The following MAN1B1 variants were observed in gnomAD, a reference collection of about 807,000 sequenced individuals.
The protein encoded by MAN1B1 is endoplasmic reticulum mannosyl-oligosaccharide 1,2-alpha-mannosidase.
MAN1B1 carries 66 observed loss-of-function variants against 75.5 expected under a neutral mutation model. The ratio of observed to expected loss-of-function variants is 0.87; its 90% CI spans 0.72 to 1.07. The LOEUF (loss-of-function observed/expected upper bound fraction) is 1.07, where lower values mean the gene tolerates loss of function less well. Among genes scored for constraint, MAN1B1 ranks in the 50% least tolerant of loss-of-function variants. The pLI is 0.00. For missense variants in MAN1B1, 973 were observed against 912.5 expected (o/e 1.07, Z -0.85); for synonymous variants, 453 against 382.8 (o/e 1.18, Z -2.14).
chr9:137,094,085 A>G (rs1830592140), intron 3 of MAN1B1, among the ~76,000 whole-genome samples: 1 of 147,138 alleles, frequency 6.8e-6, no homozygotes, highest in Non-Finnish European at 1.5e-5. Flanking sequence ...CACAATCTCC[A>G]CTCACTGCAA....
intron 8 of MAN1B1, chr9:137,102,225 C>T (rs543998484): frequency 6.5e-5 from 28 of 430,722 alleles, no homozygotes; most frequent in Non-Finnish European, 1.2e-4. Flanking sequence ...GTGTGCAGGT[C>T]GGTGGTGGTA....
chr9:137,088,829 CT>C, intron 2 of MAN1B1, 39 bp from the exon 3 acceptor site: 1 of 1,611,940 alleles, frequency 6.2e-7, no homozygotes, highest in South Asian at 1.1e-5. Context: ...TCTTGTAGGC[CT>C]TGTGGCATAT....
intron 3 of MAN1B1, 134 bp downstream of exon 3, chr9:137,089,139 G>A: frequency 1.7e-6 from 2 of 1,148,580 alleles, no homozygotes; most frequent in East Asian, 2.4e-5. Flanking sequence ...TTTTGGACTG[G>A]TCGGATAATA....
At chr9:137,090,937 A>G (rs1445101838) in intron 3 of MAN1B1, among the ~76,000 whole-genome samples, 1 of 152,178 alleles carries the variant, frequency 6.6e-6, no homozygotes, top group Non-Finnish European at 1.5e-5. Context: ...GCAAACCCAC[A>G]TTCTCCTTTC....
At chr9:137,106,365 A>AG (rs1671017545) in intron 9 of MAN1B1, 50 bp downstream of exon 9, 1 of 1,452,038 alleles carries the variant, frequency 6.9e-7, no homozygotes. Flanking sequence ...CCGTTCCCGC[A>AG]GCCCCCCACT....
chr9:137,093,118 G>A (rs528099775), intron 3 of MAN1B1, among the ~76,000 whole-genome samples: 1 of 152,300 alleles, frequency 6.6e-6, no homozygotes, highest in Admixed American at 6.5e-5. Context: ...AGGTTGCAGT[G>A]GCTCACACCT....
chr9:137,105,351 T>TC (rs1226813512), intron 8 of MAN1B1: 9 of 75,124 alleles, frequency 1.2e-4, no homozygotes, highest in African/African-American at 3.9e-4. Context: ...CACGTGAGGC[T>TC]CCCACACGCC....
intron 9 of MAN1B1, 128 bp downstream of exon 9, chr9:137,106,443 G>A (rs896978463): frequency 4.3e-5 from 45 of 1,040,108 alleles, no homozygotes; most frequent in African/African-American, 6.4e-5. Flanking sequence ...TCAGGAAACC[G>A]CAGCCGTGCC....
intron 8 of MAN1B1, chr9:137,105,777 G>C: frequency 2.2e-6 from 1 of 464,344 alleles, no homozygotes; most frequent in South Asian, 1.7e-5. Flanking sequence ...CAGAGCCATG[G>C]CTGACGGCCA....
rs529792403 is a variant in MAN1B1 at position 137,088,123 on chromosome 9, C to T, written c.268C>T (p.Leu90Phe). ...RLQRNMILFL[L>F]AFLLFCGLLF... ...GCAGCGGAATATGATTCTCTTCCTC[C>T]TTGCCTTTCTGCTTTTCTGTGGACT... The change falls in exon 2 of 13, where the codon CTT (leucine) becomes TTT (phenylalanine). Residue 90 changes from leucine to phenylalanine, a missense_variant. Coordinates refer to ENST00000371589, the MANE Select transcript of MAN1B1 (RefSeq NM_016219.5). 2 of 1,614,222 alleles carry T rather than the reference C, an allele frequency of 1.2e-6. No individual in the cohort carries two copies. Among genetic ancestry groups the T allele is most frequent in the South Asian group, 2.2e-5 (2 of 91,090 alleles).
chr9:137,089,143 G>A (rs1466955835), intron 3 of MAN1B1, 138 bp downstream of exon 3: 18 of 1,109,164 alleles, frequency 1.6e-5, no homozygotes, highest in Non-Finnish European at 2.3e-5. Flanking sequence ...GGACTGGTCG[G>A]ATAATACTTG....
At chr9:137,098,711 A>G (rs1436753876) in intron 5 of MAN1B1, among the ~76,000 whole-genome samples, 1 of 152,164 alleles carries the variant, frequency 6.6e-6, no homozygotes, top group African/African-American at 2.4e-5. Context: ...CAATCCACAC[A>G]TTAGTCAATG....
chr9:137,099,321 C>T (rs1830742889), intron 5 of MAN1B1, among the ~76,000 whole-genome samples: 1 of 152,272 alleles, frequency 6.6e-6, no homozygotes, highest in Non-Finnish European at 1.5e-5. Context: ...AGGCTGTGCT[C>T]ACTGTGCTGT....
chr9:137,105,801 C>T (rs940115856), intron 8 of MAN1B1: 1 of 504,202 alleles, frequency 2.0e-6, no homozygotes, highest in South Asian at 1.6e-5. Flanking sequence ...CTGGTGGGCT[C>T]TCGTGAGGAC....
rs192830688 is a variant in MAN1B1 at position 137,101,057 on chromosome 9, C to G, written c.969C>G (p.Asp323Glu). The change falls in exon 7 of 13, where the codon GAC (aspartate) becomes GAG (glutamate). Residue 323 changes from aspartate (D) to glutamate (E), a missense_variant. Transcript: ENST00000371589. ...CGAAGAAGTTACACTTTGAAAAGGA[C>G]GTGGACGTCAACCTGTTTGAGAGCA... ...WVSKKLHFEK[D>E]VDVNLFESTI... 14 of 1,614,144 alleles carry G rather than the reference C, an allele frequency of 8.7e-6. No individual in the cohort carries two copies. In the East Asian group the frequency reaches 3.1e-4, roughly 36 times the overall value.
Position 137,106,759 on chromosome 9 carries a change from A to T in MAN1B1, c.1516A>T (p.Lys506Ter), listed in dbSNP as rs1831124823. 1 of 1,613,512 alleles carries T rather than the reference A, an allele frequency of 6.2e-7. No individual in the cohort carries two copies. The change falls in exon 10 of 13, where the codon AAG becomes TAG. Residue 506 changes from lysine (K) to a stop codon, truncating the protein, a stop_gained. Coordinates refer to ENST00000371589, the MANE Select transcript of MAN1B1 (RefSeq NM_016219.5). LOFTEE classifies it high-confidence loss of function. ...THLLRHSEPS[K>*]LTFVGELAHG... The stretch of plus-strand genomic sequence containing the variant: ...CCTGCTGCGGCACTCCGAGCCCAGT[A>T]AGCTCACCTTTGTGGGGGAGCTTGC...
rs369551783 is a variant in MAN1B1, at chr9:137,101,598, A to G, written c.1180A>G (p.Thr394Ala). The G allele has an allele frequency of 5.0e-5, 81 of 1,613,702 alleles. No homozygotes were observed. The highest frequency in any genetic ancestry group is 6.5e-5 in the Non-Finnish European group (77 of 1,180,034). ...AHPPRWTSDS[T>A]VAEVTSIQLE... ...CCCGCCACGGTGGACCTCCGACAGC[A>G]CTGTGGCCGAGGTGACCAGCATTCA... The change falls in exon 8 of 13, where the codon ACT becomes GCT. Residue 394 changes from threonine to alanine, a missense_variant. By Grantham distance (58) the Thr-to-Ala change is moderately conservative. Transcript: ENST00000371589.
intron 8 of MAN1B1, chr9:137,102,961 C>G (rs1224050308): frequency 5.3e-6 from 2 of 379,386 alleles, no homozygotes; most frequent in Non-Finnish European, 1.0e-5. Flanking sequence ...TACACACATT[C>G]ACGCTTTTGC....
At chr9:137,087,678 G>C (rs1830410779) in intron 1 of MAN1B1, 3 of 404,170 alleles carry the variant, frequency 7.4e-6, no homozygotes, top group Admixed American at 3.9e-5. Context: ...GGCGGTGCCT[G>C]GGCTACATCT....
Sources: allele counts gnomAD v4.1 joint callset (sites outside exome capture counted in the v4.1 genomes callset), GRCh38; gene constraint gnomAD v4.1.1; transcripts MANE v1.5; gene names NCBI Gene and HGNC (gene_info 2026-07-23, HGNC 2026-07-21).